The following CASP9 variants were observed in gnomAD, a reference collection of about 807,000 sequenced individuals.
CASP9 encodes the protein caspase-9.
A neutral mutation model predicts 43.5 loss-of-function variants in CASP9; 29 were observed. The ratio of observed to expected loss-of-function variants is 0.67; its 90% CI spans 0.50 to 0.91. The LOEUF (loss-of-function observed/expected upper bound fraction) is 0.91. Among genes scored for constraint, CASP9 ranks in the 40% least tolerant of loss-of-function variants. CASP9 has a pLI of 0.00. For missense variants in CASP9, 575 were observed against 537.4 expected (o/e 1.07, Z -0.69); for synonymous variants, 206 against 211.9 (o/e 0.97, Z 0.24).
intron 1 of CASP9, among the ~76,000 whole-genome samples, chr1:15,519,015 C>T: frequency 6.6e-6 from 1 of 151,974 alleles, no homozygotes; most frequent in South Asian, 2.1e-4. Context: ...GTTGGGGTTA[C>T]AGGCACACAC....
At chr1:15,514,385 A>C (rs574287796) in intron 2 of CASP9, among the ~76,000 whole-genome samples, 1 of 152,298 alleles carries the variant, frequency 6.6e-6, no homozygotes, top group East Asian at 1.9e-4. Flanking sequence ...ATGAATACAC[A>C]GCTCTTCCTT....
chr1:15,498,071 G>A (rs1054389369), intron 6 of CASP9, among the ~76,000 whole-genome samples: 2 of 151,906 alleles, frequency 1.3e-5, no homozygotes, highest in African/African-American at 2.4e-5. Context: ...TTTTGTTTTG[G>A]GGGATTGTTT....
chr1:15,518,211 A>T lies in CASP9; in HGVS notation c.317T>A (p.Leu106His). 1 of 1,614,160 alleles carries T rather than the reference A, an allele frequency of 6.2e-7. No individual in the cohort carries two copies. The highest frequency in any genetic ancestry group is 1.1e-5 in the South Asian group (1 of 91,086). The change falls in exon 2 of 9, where the codon CTT becomes CAT. Residue 106 changes from leucine to histidine, a missense_variant. By Grantham distance (99) the Leu-to-His change is moderately conservative. Transcript: ENST00000333868. ...AKLSKPTLEN[L>H]TPVVLRPEIR... ...CTCTGGTCTGAGCACCACTGGGGTA[A>T]GGTTTTCTAGGGTTGGCTTCGACAA...
chr1:15,507,289 C>T (rs777400146), intron 3 of CASP9, among the ~76,000 whole-genome samples: 8 of 152,118 alleles, frequency 5.3e-5, no homozygotes, highest in Admixed American at 2.0e-4. Flanking sequence ...GAGCTGGTAA[C>T]CTGGAAATCC....
At chr1:15,523,112 G>A (rs1382819561) in intron 1 of CASP9, among the ~76,000 whole-genome samples, 1 of 152,190 alleles carries the variant, frequency 6.6e-6, no homozygotes, top group African/African-American at 2.4e-5. Context: ...ACAAAGATGG[G>A]AAAGTGCTTT....
In CASP9 at chr1:15,518,358, T is replaced by G. The variant is rs1231975659; in HGVS notation, c.170A>C (p.Gln57Pro). The change falls in exon 2 of 9, where the codon CAG becomes CCG. Residue 57 changes from glutamine to proline, a missense_variant. By Grantham distance (76) the Gln-to-Pro change is moderately conservative (BLOSUM62 -1). Coordinates refer to ENST00000333868, the MANE Select transcript of CASP9 (RefSeq NM_001229.5). Reference protein sequence around the residue: ...GSGSRRDQARQLIIDLETRGS... With the variant: ...GSGSRRDQARPLIIDLETRGS... ...TCGAGTCTCCAGATCTATGATCAGC[T>G]GCCTGGCCTGATCCCGCCGAGATCC... 6.2e-7 allele frequency: 1 copy of G among 1,613,776 alleles called. No homozygotes were observed. The highest frequency in any genetic ancestry group is 8.5e-7 in the Non-Finnish European group (1 of 1,179,948).
At chr1:15,509,584 G>A (rs1027400665) in intron 2 of CASP9, among the ~76,000 whole-genome samples, 12 of 150,890 alleles carry the variant, frequency 8.0e-5, no homozygotes, top group Non-Finnish European at 1.5e-4. Flanking sequence ...GCAGTGAGTC[G>A]AGATCACGTC....
At chr1:15,516,874 TGCA>T (rs1709970602) in intron 2 of CASP9, among the ~76,000 whole-genome samples, 1 of 152,242 alleles carries the variant, frequency 6.6e-6, no homozygotes, top group Non-Finnish European at 1.5e-5. Context: ...AAGCCCGGGC[TGCA>T]GCCCTGTCTC....
At position 15,498,043 on chromosome 1, in the gene CASP9, G is replaced by A. The variant is rs1709179008; in HGVS notation, c.869-2591C>T. On this transcript the variant is annotated intron_variant, in intron 6 of 8. Coordinates refer to ENST00000333868, the MANE Select transcript of CASP9 (RefSeq NM_001229.5). ...GGGTGGCAGGACCATTCAGTGGGGA[G>A]AGGGCAGTGGTTTTTTGTTTTGTTT... Among the ~76,000 whole-genome samples the A allele has an allele frequency of 2.0e-5, 3 of 152,194 alleles. No homozygotes were observed. In the South Asian group the frequency reaches 6.2e-4, roughly 32 times the overall value.
chr1:15,509,992 G>A (rs576862664), intron 2 of CASP9, among the ~76,000 whole-genome samples: 8 of 152,124 alleles, frequency 5.3e-5, no homozygotes, highest in South Asian at 4.1e-4. Flanking sequence ...GTGCAGTGGC[G>A]CGATCTTGCC....
intron 6 of CASP9, 45 bp from the exon 7 acceptor site, chr1:15,495,497 G>T: frequency 6.8e-7 from 1 of 1,478,282 alleles, no homozygotes; most frequent in African/African-American, 1.4e-5. Flanking sequence ...GAAATACACA[G>T]ACAAGGATGG....
chr1:15,518,112 A>G lies in CASP9; in HGVS notation c.416T>C (p.Val139Ala), dbSNP rs778762920. 10 of 1,613,674 alleles carry G rather than the reference A, an allele frequency of 6.2e-6. No homozygotes were observed. The Admixed American group carries it at 1.7e-4, about 27-fold the overall frequency. The change falls in exon 2 of 9, where the codon GTC becomes GCC. Residue 139 changes from valine to alanine, a missense_variant and splice_region_variant. Transcript: ENST00000333868. ...VDIGSGGFGD[V>A]GALESLRGNA... ...CCAATCACTCTCTTGCTACTTACCG[A>G]CATCACCAAATCCTCCAGAACCAAT...
chr1:15,512,151 T>C (rs888409357), intron 2 of CASP9, among the ~76,000 whole-genome samples: 1 of 152,190 alleles, frequency 6.6e-6, no homozygotes, highest in African/African-American at 2.4e-5. Flanking sequence ...AGAAGCCAGG[T>C]AGGGCTGAAA....
At chr1:15,506,128 G>A (rs770362644) in intron 4 of CASP9, 49 bp from the exon 5 acceptor site, 1 of 1,250,440 alleles carries the variant, frequency 8.0e-7, no homozygotes, top group Non-Finnish European at 1.2e-6. Context: ...AGGTCTAGAT[G>A]CAGACTGGAC....
chr1:15,513,312 T>A (rs1709835079), intron 2 of CASP9, among the ~76,000 whole-genome samples: 1 of 152,034 alleles, frequency 6.6e-6, no homozygotes. Flanking sequence ...TTTATACACA[T>A]ACACACACCC....
intron 8 of CASP9, 80 bp from the exon 9 acceptor site, chr1:15,493,115 T>G: frequency 2.5e-6 from 4 of 1,595,338 alleles, no homozygotes; most frequent in Non-Finnish European, 3.4e-6. Flanking sequence ...CTGGGGGGAA[T>G]GTCCACTCAA....
chr1:15,522,085 C>T (rs1269133572), intron 1 of CASP9, among the ~76,000 whole-genome samples: 2 of 152,140 alleles, frequency 1.3e-5, no homozygotes, highest in Non-Finnish European at 2.9e-5. Flanking sequence ...GTGTTAAATG[C>T]ATTGTTTCAT....
At chr1:15,499,064 A>G (rs553658024) in intron 6 of CASP9, among the ~76,000 whole-genome samples, 1 of 152,298 alleles carries the variant, frequency 6.6e-6, no homozygotes, top group Admixed American at 6.5e-5. Context: ...TGGCGGCTGG[A>G]AAGCGTAAAA....
intron 5 of CASP9, among the ~76,000 whole-genome samples, chr1:15,505,352 G>GCCT (rs1450622412): frequency 6.6e-6 from 1 of 152,206 alleles, no homozygotes; most frequent in Admixed American, 6.5e-5. Context: ...GCCACAGGCT[G>GCCT]GAGTTTTACT....
Sources: allele counts gnomAD v4.1 joint callset (sites outside exome capture counted in the v4.1 genomes callset), GRCh38; gene constraint gnomAD v4.1.1; transcripts MANE v1.5; gene names NCBI Gene and HGNC (gene_info 2026-07-23, HGNC 2026-07-21).